The following TCF12 variants were observed in gnomAD, a reference collection of about 807,000 sequenced individuals.
The protein encoded by TCF12 is DNA-binding protein HTF4.
TCF12 carries 45 observed loss-of-function variants against 86.0 expected under a neutral mutation model. The observed-to-expected ratio is 0.52, with a 90% CI of 0.41 to 0.67. The LOEUF is 0.67. Among genes scored for constraint, TCF12 ranks in the 30% least tolerant of loss-of-function variants. The pLI, the probability that TCF12 is intolerant of heterozygous loss-of-function variation, is 0.00. For missense variants in TCF12, 881 were observed against 859.9 expected (o/e 1.02, Z -0.31); for synonymous variants, 330 against 299.6 (o/e 1.10, Z -1.05).
intron 19 of TCF12, among the ~76,000 whole-genome samples, chr15:57,273,466 A>G (rs544446831): frequency 6.6e-6 from 1 of 152,082 alleles, no homozygotes; most frequent in Non-Finnish European, 1.5e-5. Flanking sequence ...TTCTCCACCA[A>G]TAGAGAGTAA....
chr15:56,918,406 G>T (rs1244345421), upstream of TCF12: 1 of 368,446 alleles, frequency 2.7e-6, no homozygotes, highest in East Asian at 7.9e-5. Context: ...TCGTCGGCGA[G>T]CGGTCGGGGC....
chr15:57,061,956 GT>G (rs537849691), intron 3 of TCF12, among the ~76,000 whole-genome samples: 46 of 147,424 alleles, frequency 3.1e-4, no homozygotes, highest in Non-Finnish European at 5.7e-4. Flanking sequence ...TGGTAACAGT[GT>G]TTTTTTTTTG....
At chr15:57,081,482 G>C (rs1177043413) in intron 4 of TCF12, among the ~76,000 whole-genome samples, 2 of 152,122 alleles carry the variant, frequency 1.3e-5, no homozygotes, top group African/African-American at 4.8e-5. Flanking sequence ...TTTAGCCCAA[G>C]TTCTGGCAAA....
intron 5 of TCF12, among the ~76,000 whole-genome samples, chr15:57,139,539 A>G (rs2052801825): frequency 6.6e-6 from 1 of 152,048 alleles, no homozygotes; most frequent in Non-Finnish European, 1.5e-5. Flanking sequence ...TAATAGTATC[A>G]CTCATTACAT....
intron 3 of TCF12, among the ~76,000 whole-genome samples, chr15:56,931,673 C>T (rs2060254736): frequency 6.6e-6 from 1 of 152,142 alleles, no homozygotes; most frequent in South Asian, 2.1e-4. Context: ...CTGAAATATA[C>T]TCATTACAGG....
intron 5 of TCF12, among the ~76,000 whole-genome samples, chr15:57,153,849 C>G (rs1202502356): frequency 6.6e-6 from 1 of 151,632 alleles, no homozygotes; most frequent in African/African-American, 2.4e-5. Context: ...TAGCAAGACT[C>G]TGTCTCTCCA....
intron 3 of TCF12, among the ~76,000 whole-genome samples, chr15:56,933,004 T>C (rs1300469976): frequency 6.6e-6 from 1 of 152,230 alleles, no homozygotes; most frequent in Non-Finnish European, 1.5e-5. Context: ...TGTGGTCTTA[T>C]TGTTAAGCTG....
At chr15:57,025,531 G>A (rs1416194249) in intron 3 of TCF12, among the ~76,000 whole-genome samples, 4 of 152,050 alleles carry the variant, frequency 2.6e-5, no homozygotes, top group African/African-American at 9.7e-5. Flanking sequence ...CCTCAGTCTG[G>A]AAATCATGTA....
At position 57,062,659 on chromosome 15, in the gene TCF12, G is replaced by T. The variant is rs117020001; in HGVS notation, c.149-1091G>T. Among the ~76,000 whole-genome samples, 495 of 152,210 alleles carry T rather than the reference G, an allele frequency of 3.3e-3. 13 individuals are homozygous for T. The East Asian group carries it at 0.079, about 24-fold the overall frequency. ...TTAGTAATCATTGCAAATTAATGGA[G>T]AATTTGTGGCATTTAATTTATTACA... On this transcript the variant is annotated intron_variant, in intron 3 of 20. Transcript: ENST00000333725.
intron 3 of TCF12, among the ~76,000 whole-genome samples, chr15:56,960,539 C>G (rs1381665907): frequency 6.6e-6 from 1 of 151,448 alleles, no homozygotes; most frequent in Non-Finnish European, 1.5e-5. Flanking sequence ...AAGTGATTCT[C>G]CCACCTCAGC....
At chr15:57,100,862 T>C (rs2049691267) in intron 5 of TCF12, among the ~76,000 whole-genome samples, 1 of 152,170 alleles carries the variant, frequency 6.6e-6, no homozygotes, top group Non-Finnish European at 1.5e-5. Context: ...TGAAAGCATA[T>C]ACTGAATTGC....
At chr15:57,130,340 T>C (rs1313007803) in intron 5 of TCF12, among the ~76,000 whole-genome samples, 1 of 151,262 alleles carries the variant, frequency 6.6e-6, no homozygotes, top group Non-Finnish European at 1.5e-5. Context: ...TTATTGACCA[T>C]TTTGATTTTT....
At chr15:56,967,371 A>G (rs1042054457) in intron 3 of TCF12, among the ~76,000 whole-genome samples, 6 of 151,834 alleles carry the variant, frequency 4.0e-5, no homozygotes, top group Non-Finnish European at 8.8e-5. Context: ...GCCAATTGAG[A>G]AATACTTGTC....
intron 3 of TCF12, among the ~76,000 whole-genome samples, chr15:56,997,138 A>G (rs1322446722): frequency 6.6e-6 from 1 of 152,202 alleles, no homozygotes; most frequent in African/African-American, 2.4e-5. Context: ...TACTCAAAGG[A>G]AAATAAATTG....
chr15:56,958,995 C>T (rs1420530947), intron 3 of TCF12, among the ~76,000 whole-genome samples: 1 of 152,096 alleles, frequency 6.6e-6, no homozygotes, highest in Non-Finnish European at 1.5e-5. Context: ...ATTAGGCTGT[C>T]TTCTACAGCA....
At chr15:57,277,866 G>T (rs1567039914) in intron 19 of TCF12, among the ~76,000 whole-genome samples, 2 of 151,746 alleles carry the variant, frequency 1.3e-5, no homozygotes, top group African/African-American at 4.8e-5. Context: ...TTGAGCCCTA[G>T]AAGATTGAGG....
At chr15:57,036,821 AATT>A (rs1190946102) in intron 3 of TCF12, among the ~76,000 whole-genome samples, 1 of 152,160 alleles carries the variant, frequency 6.6e-6, no homozygotes, top group East Asian at 1.9e-4. Flanking sequence ...TTTTTAAAAA[AATT>A]ATTGCTTGTG....
chr15:57,056,713 C>T (rs1281256600), intron 3 of TCF12, among the ~76,000 whole-genome samples: 1 of 152,128 alleles, frequency 6.6e-6, no homozygotes, highest in Admixed American at 6.5e-5. Context: ...CCTGCCTTGG[C>T]CTCCCAAAGT....
At chr15:57,040,466 C>T (rs779169987) in intron 3 of TCF12, among the ~76,000 whole-genome samples, 3 of 152,148 alleles carry the variant, frequency 2.0e-5, no homozygotes, top group Non-Finnish European at 4.4e-5. Context: ...AAAGGAGTTC[C>T]GTAAGAATTG....
Sources: allele counts gnomAD v4.1 joint callset (sites outside exome capture counted in the v4.1 genomes callset), GRCh38; gene constraint gnomAD v4.1.1; transcripts MANE v1.5; gene names NCBI Gene and HGNC (gene_info 2026-07-23, HGNC 2026-07-21).